The following METTL13 variants were observed in gnomAD, a reference collection of about 807,000 sequenced individuals.
METTL13 encodes the protein methyltransferase 13, eEF1A N-terminus and K55, also known as eEF1A lysine and N-terminal methyltransferase.
A neutral mutation model predicts 67.4 loss-of-function variants in METTL13; 52 were observed. That is an observed-to-expected ratio of 0.77 (90% CI 0.62 to 0.97). The LOEUF (loss-of-function observed/expected upper bound fraction) is 0.97. Among genes scored for constraint, METTL13 ranks in the 50% least tolerant of loss-of-function variants. METTL13 has a pLI of 0.00. For synonymous variants in METTL13, 354 were observed against 353.6 expected (o/e 1.00, Z -0.01); for missense variants, 825 against 889.6 (o/e 0.93, Z 0.92).
chr1:171,786,457 A>G (rs2294722), intron 3 of METTL13, among the ~76,000 whole-genome samples: 78,217 of 151,956 alleles, frequency 0.51, 20,731 homozygotes, highest in East Asian at 0.64. Flanking sequence ...GTATAAATGG[A>G]AGAGGGCCAA....
Position 171,796,950 on chromosome 1 carries a change from C to T in METTL13, c.*194C>T. The T allele has an allele frequency of 1.5e-6, 1 of 673,204 alleles. No individual in the cohort carries two copies. Among genetic ancestry groups the T allele is most frequent in the Non-Finnish European group, 2.4e-6 (1 of 415,270 alleles). The allele number at this position is 673,204 out of a possible 1,614,324, so 41.7% of individuals were successfully genotyped here. On this transcript the variant is annotated 3_prime_UTR_variant, in exon 8 of 8. Transcript: ENST00000361735. ...ATAAAAATGTCCTTCCCATCTTGTC[C>T]TCTTCAGTACCACTTGGGTTGGTTT...
chr1:171,782,210 C>CG (rs1196086543), intron 1 of METTL13, 90 bp downstream of exon 1: 3 of 1,088,158 alleles, frequency 2.8e-6, no homozygotes, highest in African/African-American at 3.1e-5. Flanking sequence ...CAGTGACAGG[C>CG]GGGAGGACCC....
In METTL13 at chr1:171,796,491, T is replaced by G; in HGVS notation, c.1835T>G (p.Ile612Ser). The G allele has an allele frequency of 1.2e-6, 2 of 1,614,220 alleles. No individual in the cohort carries two copies. The highest frequency in any genetic ancestry group is 1.7e-6 in the Non-Finnish European group (2 of 1,180,038). Residue 612 changes from isoleucine to serine, a missense_variant, in exon 8 of 8, where the codon ATT becomes AGT. By Grantham distance (142) the Ile-to-Ser change is moderately radical (BLOSUM62 -2). Coordinates refer to ENST00000361735, the MANE Select transcript of METTL13 (RefSeq NM_015935.5). ...KSILTPEGVF[I>S]LNLVCRDLGL... is the part of the protein sequence containing the mutation. ...TCTTCCTACCCTATAGGTGTTTTTATTCTCAACCTTGTGTGCCGAGACTTG... is the reference window on the plus strand; with the variant it reads ...TCTTCCTACCCTATAGGTGTTTTTAGTCTCAACCTTGTGTGCCGAGACTTG...
chr1:171,794,639 A>G (rs1350761210), intron 7 of METTL13, 112 bp downstream of exon 7: 29 of 1,460,190 alleles, frequency 2.0e-5, no homozygotes, highest in Non-Finnish European at 2.4e-5. Context: ...TCCAAATTTA[A>G]TACACCCATT....
chr1:171,788,006 A>T (rs1657083053), intron 4 of METTL13, 76 bp downstream of exon 4: 1 of 1,457,122 alleles, frequency 6.9e-7, no homozygotes, highest in Non-Finnish European at 9.5e-7. Context: ...CTTGGCCGAG[A>T]TGTAGGATGG....
intron 2 of METTL13, among the ~76,000 whole-genome samples, chr1:171,785,673 T>G (rs551354104): frequency 1.3e-5 from 2 of 152,324 alleles, no homozygotes; most frequent in South Asian, 2.1e-4. Flanking sequence ...ATGCCCACAC[T>G]TCTTCTCCAC....
At position 171,787,940 on chromosome 1, in the gene METTL13, C is replaced by A. The variant is rs1288049129; in HGVS notation, c.1309+10C>A. The A allele has an allele frequency of 1.2e-6, 2 of 1,612,314 alleles. No individual in the cohort carries two copies. The highest frequency in any genetic ancestry group is 2.2e-5 in the South Asian group (2 of 90,804). On this transcript the variant is annotated intron_variant, in intron 4 of 7. Coordinates refer to ENST00000361735, the MANE Select transcript of METTL13 (RefSeq NM_015935.5). ...GATGTGTCTCACAAAGGTGAGGTGT[C>A]ATAGGCACAGTGGTGGGACCCAAGT...
intron 7 of METTL13, 84 bp from the exon 8 acceptor site, chr1:171,796,398 A>C: frequency 6.6e-7 from 1 of 1,509,376 alleles, no homozygotes; most frequent in Non-Finnish European, 9.1e-7. Flanking sequence ...TGGGACAGGA[A>C]TTGGTATTTT....
chr1:171,781,808 C>A lies in METTL13; in HGVS notation c.-160C>A. On this transcript the variant is annotated 5_prime_UTR_variant, in exon 1 of 8. Coordinates refer to ENST00000361735, the MANE Select transcript of METTL13 (RefSeq NM_015935.5). ...GTGCGTTTGTCGTGTAAGGGTCATT[C>A]CTGGGGTTTGGAGTGGGGGAACAAA... 2.8e-6 allele frequency: 4 copies of A among 1,453,954 alleles called. No individual in the cohort carries two copies. The highest frequency in any genetic ancestry group is 3.6e-6 in the Non-Finnish European group (4 of 1,104,598). The allele number at this position is 1,453,954 out of a possible 1,614,324, so 90.1% of individuals were successfully genotyped here.
Position 171,785,914 on chromosome 1 carries a change from A to G in METTL13, c.949A>G (p.Met317Val). Residue 317 changes from methionine (M) to valine (V), a missense_variant, in exon 3 of 8, where the codon ATG (methionine) becomes GTG (valine). Transcript: ENST00000361735. ...QGRETEWLFG[M>V]DEGRKQLAAS... ...CCGGGAGACCGAGTGGCTCTTTGGC[A>G]TGGATGAGGGCCGGAAACAGCTGGC... 1.2e-6 allele frequency: 2 copies of G among 1,613,536 alleles called. No homozygotes were observed. Among genetic ancestry groups the G allele is most frequent in the Non-Finnish European group, 8.5e-7 (1 of 1,179,986 alleles).
At position 171,792,142 on chromosome 1, in the gene METTL13, AC is replaced by A; in HGVS notation, c.1603del (p.Gln535SerfsTer11). On this transcript the variant is annotated frameshift_variant, in exon 6 of 8. Transcript: ENST00000361735. LOFTEE classifies it high-confidence loss of function. ...CGATCCCTCCATGTTGGAAGTGGCC[AC>A]CCAGTGGTTTGGCTTCTCCCAGAGT... is the stretch of plus-strand genomic sequence containing the variant. ...EIDPSMLEVATQWFGFSQSDR... is the reference protein window; with the variant it reads ...EIDPSMLEVAXQWFGFSQSDR... 6.2e-7 allele frequency: 1 copy of A among 1,614,192 alleles called. No homozygotes were observed. Among genetic ancestry groups the A allele is most frequent in the South Asian group, 1.1e-5 (1 of 91,078 alleles).
rs1200977844 is a variant in METTL13, at chr1:171,782,224, T to C, written c.153+104T>C. The C allele has an allele frequency of 1.1e-5, 10 of 937,744 alleles. No individual in the cohort carries two copies. The Admixed American group carries it at 1.5e-4, about 14-fold the overall frequency. 58.1% of individuals were successfully genotyped at this position (937,744 alleles called of 1,614,324 possible). On this transcript the variant is annotated intron_variant, in intron 1 of 7. Coordinates refer to ENST00000361735, the MANE Select transcript of METTL13 (RefSeq NM_015935.5). ...ACAGTGACAGGCGGGAGGACCCTAG[T>C]TGGACGCATATTTCAGCATTTCCTG... is the stretch of plus-strand genomic sequence containing the variant.
intron 7 of METTL13, among the ~76,000 whole-genome samples, chr1:171,795,208 T>G (rs1558133719): frequency 6.6e-6 from 1 of 152,220 alleles, no homozygotes; most frequent in South Asian, 2.1e-4. Context: ...TTACATGGCT[T>G]ATTTTTATTG....
Position 171,782,115 on chromosome 1 carries a change from G to GA in METTL13, c.152dup (p.Val52GlyfsTer13), listed in dbSNP as rs1197039154. On this transcript the variant is annotated frameshift_variant, in exon 1 of 8. Transcript: ENST00000361735. LOFTEE classifies it high-confidence loss of function. ...GCTACATAAATATATCAAGCCCAGG[G>GA]AAAAGGTGAGGAGCGCGGGTTGGTA... 3 of 1,613,132 alleles carry GA rather than the reference G, an allele frequency of 1.9e-6. No homozygotes were observed. The highest frequency in any genetic ancestry group is 1.3e-5 in the African/African-American group (1 of 74,890).
chr1:171,792,036 G>A lies in METTL13; in HGVS notation c.1494G>A (p.Leu498=), dbSNP rs1247306889. The part of the protein sequence containing the change: ...ELLLEIPLAL[L]VVGLGGGSLP... ...TTACAGAGATCCCACTGGCATTGTT[G>A]GTGGTAGGCCTGGGCGGGGGCAGCC... is the stretch of plus-strand genomic sequence containing the variant. Residue 498 remains leucine, a synonymous_variant, in exon 6 of 8, where the codon TTG becomes TTA. Transcript: ENST00000361735. 3.1e-6 allele frequency: 5 copies of A among 1,612,704 alleles called. No homozygotes were observed. The South Asian group carries it at 4.4e-5, about 14-fold the overall frequency.
intron 6 of METTL13, among the ~76,000 whole-genome samples, chr1:171,792,979 T>C (rs1657256458): frequency 6.6e-6 from 1 of 152,196 alleles, no homozygotes; most frequent in Non-Finnish European, 1.5e-5. Context: ...GCATAATAAT[T>C]TTCTGTAAAA....
In METTL13 at chr1:171,784,204, C is replaced by T; in HGVS notation, c.618C>T (p.Ala206=). 30 of 1,614,164 alleles carry T rather than the reference C, an allele frequency of 1.9e-5. No homozygotes were observed. Among genetic ancestry groups the T allele is most frequent in the Non-Finnish European group, 2.4e-5 (28 of 1,180,054 alleles). ...AEPQFSLPVF[A]FIMTKFRPVP... ...CTCAGTTCTCCTTGCCTGTCTTTGCCTTCATCATGACCAAGTTCAGGCCAG... is the reference window on the plus strand; with the variant it reads ...CTCAGTTCTCCTTGCCTGTCTTTGCTTTCATCATGACCAAGTTCAGGCCAG... The change falls in exon 2 of 8, where the codon GCC becomes GCT. Residue 206 remains alanine (A), a synonymous_variant. Transcript: ENST00000361735.
Position 171,784,179 on chromosome 1 carries a change from C to G in METTL13, c.593C>G (p.Pro198Arg). 6.2e-7 allele frequency: 1 copy of G among 1,614,222 alleles called. No homozygotes were observed. The highest frequency in any genetic ancestry group is 8.5e-7 in the Non-Finnish European group (1 of 1,180,044). The change falls in exon 2 of 8, where the codon CCT becomes CGT. Residue 198 changes from proline to arginine, a missense_variant. Coordinates refer to ENST00000361735, the MANE Select transcript of METTL13 (RefSeq NM_015935.5). ...CAGGACCAGGTGTTGGAAGCAGAGC[C>G]TCAGTTCTCCTTGCCTGTCTTTGCC... ...NSQDQVLEAE[P>R]QFSLPVFAFI...
intron 4 of METTL13, 123 bp downstream of exon 4, chr1:171,788,053 T>G: frequency 1.1e-6 from 1 of 892,790 alleles, no homozygotes; most frequent in Non-Finnish European, 1.8e-6. Context: ...ATCTGGACTC[T>G]TAGGGTGTGA....
Sources: gnomAD v4.1 joint callset for allele counts (sites outside exome capture counted in the v4.1 genomes callset) on GRCh38, gnomAD v4.1.1 for gene constraint, MANE v1.5 for transcripts, NCBI Gene and HGNC (gene_info 2026-07-23, HGNC 2026-07-21) for gene names.